Variants in DLGAP1 observed in about 807,000 individuals in gnomAD.
The protein encoded by DLGAP1 is disks large-associated protein 1.
A neutral mutation model predicts 90.8 loss-of-function variants in DLGAP1; 11 were observed. That is an observed-to-expected ratio of 0.12 (90% CI 0.08 to 0.20). The LOEUF (loss-of-function observed/expected upper bound fraction) is 0.20. DLGAP1 is among the 10% of genes least tolerant of loss of function. The probability of loss-of-function intolerance (pLI) is 1.00; values close to 1 mark genes in which losing one functional copy is unlikely to be tolerated. For missense variants in DLGAP1, 1,050 were observed against 1,333.8 expected (o/e 0.79, Z 3.31); for synonymous variants, 558 against 540.7 (o/e 1.03, Z -0.44).
At position 4,366,911 on chromosome 18, in the gene DLGAP1, C is replaced by G. The variant is rs551243861; in HGVS notation, c.-267+88095G>C. Among the ~76,000 whole-genome samples, 3 of 136,592 alleles carry G rather than the reference C, an allele frequency of 2.2e-5. No individual in the cohort carries two copies. In the Admixed American group the frequency reaches 2.5e-4, roughly 12 times the overall value. The allele number at this position is 136,592 out of a possible 152,430, so 89.6% of individuals were successfully genotyped here. A position where few individuals can be genotyped will look rare whatever the true frequency, so the allele number is the denominator to read the frequency against. On this transcript the variant is annotated intron_variant, in intron 1 of 12. Coordinates refer to ENST00000315677, the MANE Select transcript of DLGAP1 (RefSeq NM_004746.4). ...ACAATAATTACATATAGGCAAATTACAAAGTTATCTCACAGAAAAATTGAT... is the reference window on the plus strand; with the variant it reads ...ACAATAATTACATATAGGCAAATTAGAAAGTTATCTCACAGAAAAATTGAT...
At chr18:3,506,385 T>C (rs958903745) in intron 11 of DLGAP1, among the ~76,000 whole-genome samples, 4 of 151,794 alleles carry the variant, frequency 2.6e-5, no homozygotes, top group South Asian at 4.1e-4. Context: ...TGGTGGCGCA[T>C]GCCTGTAATC....
chr18:3,668,182 C>T (rs979337764), intron 7 of DLGAP1, among the ~76,000 whole-genome samples: 1 of 152,156 alleles, frequency 6.6e-6, no homozygotes, highest in Non-Finnish European at 1.5e-5. Context: ...TGTAAGTGCC[C>T]CCTTGAGGCA....
chr18:4,362,817 A>G (rs770661883), intron 1 of DLGAP1, among the ~76,000 whole-genome samples: 5 of 152,152 alleles, frequency 3.3e-5, no homozygotes, highest in Non-Finnish European at 7.3e-5. Context: ...TGAAAAATCA[A>G]ACAAAGACAT....
intron 4 of DLGAP1, among the ~76,000 whole-genome samples, chr18:3,863,137 T>C (rs1262748623): frequency 6.6e-6 from 1 of 152,224 alleles, no homozygotes; most frequent in Admixed American, 6.5e-5. Flanking sequence ...GTAGCTACGG[T>C]GACTGAGAAA....
intron 12 of DLGAP1, among the ~76,000 whole-genome samples, chr18:3,501,055 C>T (rs2049903615): frequency 6.6e-6 from 1 of 152,038 alleles, no homozygotes; most frequent in South Asian, 2.1e-4. Flanking sequence ...GCTGGCACTA[C>T]AAGTGTGTAC....
At chr18:3,685,563 C>CAAAAAAA (rs59737533) in intron 7 of DLGAP1, among the ~76,000 whole-genome samples, 3 of 76,592 alleles carry the variant, frequency 3.9e-5, no homozygotes, top group Non-Finnish European at 7.4e-5. Flanking sequence ...GATTCCGTCT[C>CAAAAAAA]AAAAAAAAAA....
chr18:3,984,047 C>T (rs2149036178), intron 3 of DLGAP1: 1 of 152,250 alleles, frequency 6.6e-6, no homozygotes, highest in East Asian at 1.9e-4. Flanking sequence ...ATAAAAGATC[C>T]TCACGGAATG....
chr18:4,159,303 T>C (rs2076806517), intron 1 of DLGAP1, among the ~76,000 whole-genome samples: 1 of 152,178 alleles, frequency 6.6e-6, no homozygotes, highest in African/African-American at 2.4e-5. Flanking sequence ...GGTTAGGAAG[T>C]CAGTGCCCTT....
intron 2 of DLGAP1, among the ~76,000 whole-genome samples, chr18:4,126,890 C>T (rs1204432694): frequency 6.6e-6 from 1 of 152,164 alleles, no homozygotes; most frequent in African/African-American, 2.4e-5. Flanking sequence ...AAACCTTTCT[C>T]CCTCAAGGGA....
intron 3 of DLGAP1, among the ~76,000 whole-genome samples, chr18:3,953,838 TTCAA>T (rs2073034529): frequency 2.0e-5 from 3 of 152,326 alleles, no homozygotes; most frequent in Admixed American, 2.0e-4. Context: ...CATCTGATAT[TTCAA>T]TCAGTCTGAA....
chr18:3,875,019 G>C (rs2070960988), intron 4 of DLGAP1, among the ~76,000 whole-genome samples: 2 of 152,164 alleles, frequency 1.3e-5, no homozygotes, highest in Non-Finnish European at 2.9e-5. Context: ...CGAATTCTAA[G>C]TGATAATTCC....
chr18:4,419,651 G>A (rs2082984088), intron 1 of DLGAP1, among the ~76,000 whole-genome samples: 1 of 66,200 alleles, frequency 1.5e-5, no homozygotes, highest in African/African-American at 4.9e-5. Flanking sequence ...TAAAGGATGG[G>A]AGGGAAATTC....
chr18:3,629,103 C>T (rs1350883891), intron 7 of DLGAP1, among the ~76,000 whole-genome samples: 6 of 152,218 alleles, frequency 3.9e-5, no homozygotes, highest in Non-Finnish European at 8.8e-5. Flanking sequence ...ATTGCTGCTG[C>T]ATATCTTTGC....
At chr18:4,094,233 T>A (rs2075635016) in intron 2 of DLGAP1, among the ~76,000 whole-genome samples, 1 of 152,202 alleles carries the variant, frequency 6.6e-6, no homozygotes, top group South Asian at 2.1e-4. Context: ...TAGTTTTATC[T>A]CTTAGCTGTT....
intron 7 of DLGAP1, among the ~76,000 whole-genome samples, chr18:3,667,639 C>G (rs2059930272): frequency 1.3e-5 from 2 of 152,152 alleles, no homozygotes; most frequent in African/African-American, 4.8e-5. Flanking sequence ...CGGTTTCTAC[C>G]TGGCCTCAGT....
intron 3 of DLGAP1, among the ~76,000 whole-genome samples, chr18:3,926,671 C>G (rs754849586): frequency 4.0e-5 from 6 of 149,288 alleles, no homozygotes; most frequent in Non-Finnish European, 7.4e-5. Context: ...TATATATATA[C>G]GGAGAGAGAG....
At chr18:4,179,073 T>TGTAA (rs2144645061) in intron 1 of DLGAP1, among the ~76,000 whole-genome samples, 1 of 152,330 alleles carries the variant, frequency 6.6e-6, no homozygotes, top group Admixed American at 6.5e-5. Flanking sequence ...GAGCAATTTG[T>TGTAA]GTAAAGGTAG....
chr18:4,110,338 T>C (rs8092473), intron 2 of DLGAP1, among the ~76,000 whole-genome samples: 73,997 of 151,754 alleles, frequency 0.49, 19,054 homozygotes, highest in African/African-American at 0.66. Flanking sequence ...CACTATCCTA[T>C]ATGTATACCA....
chr18:4,322,673 G>A (rs1257355695), intron 1 of DLGAP1, among the ~76,000 whole-genome samples: 1 of 152,092 alleles, frequency 6.6e-6, no homozygotes, highest in Admixed American at 6.5e-5. Flanking sequence ...AAAAGCTACT[G>A]CATAGAGGCC....
Sources: allele counts gnomAD v4.1 joint callset (sites outside exome capture counted in the v4.1 genomes callset), GRCh38; gene constraint gnomAD v4.1.1; transcripts MANE v1.5; gene names NCBI Gene and HGNC (gene_info 2026-07-23, HGNC 2026-07-21).